The following UBAP1 variants were observed in gnomAD, a reference collection of about 807,000 sequenced individuals.
UBAP1 encodes the protein ubiquitin associated protein 1.
In UBAP1, 5 loss-of-function variants were observed where a neutral mutation model predicts 39.0. That is an observed-to-expected ratio of 0.13 (90% CI 0.07 to 0.27). The LOEUF (loss-of-function observed/expected upper bound fraction) is 0.27, where lower values mean the gene tolerates loss of function less well. UBAP1 is among the 10% of genes least tolerant of loss of function. The probability of loss-of-function intolerance (pLI) is 1.00; values close to 1 mark genes in which losing one functional copy is unlikely to be tolerated. For missense variants in UBAP1, 490 were observed against 608.1 expected (o/e 0.81, Z 2.04); for synonymous variants, 211 against 225.1 (o/e 0.94, Z 0.56).
chr9:34,182,676 T>TC (rs766637895), intron 1 of UBAP1, among the ~76,000 whole-genome samples: 3,695 of 90,210 alleles, frequency 0.041, 103 homozygotes, highest in East Asian at 0.096. Flanking sequence ...TCTTTCTTTC[T>TC]TTCTTTCTCT....
rs1040860143 is a variant in UBAP1, at chr9:34,226,003, G to A, written c.34+5055G>A. ...AGCTGTACATATTTACATGTTTAATGTATACATCTTGATGAGTTTGAGGAT... is the reference window on the plus strand; with the variant it reads ...AGCTGTACATATTTACATGTTTAATATATACATCTTGATGAGTTTGAGGAT... On this transcript the variant is annotated intron_variant, in intron 2 of 6. Coordinates refer to ENST00000297661, the MANE Select transcript of UBAP1 (RefSeq NM_016525.5). Among the ~76,000 whole-genome samples, 8 of 151,848 alleles carry A rather than the reference G, an allele frequency of 5.3e-5. No individual in the cohort carries two copies. In the East Asian group the frequency reaches 1.4e-3, roughly 26 times the overall value.
At chr9:34,202,983 C>T (rs1489282443) in intron 1 of UBAP1, among the ~76,000 whole-genome samples, 1 of 151,994 alleles carries the variant, frequency 6.6e-6, no homozygotes, top group Non-Finnish European at 1.5e-5. Flanking sequence ...TTAGTGATTG[C>T]TTGAGATGTA....
chr9:34,207,916 C>T (rs537734746), intron 1 of UBAP1, among the ~76,000 whole-genome samples: 134 of 152,218 alleles, frequency 8.8e-4, no homozygotes, highest in African/African-American at 3.0e-3. Context: ...TTATTTCTCC[C>T]ATCTAATATG....
intron 4 of UBAP1, among the ~76,000 whole-genome samples, chr9:34,242,333 A>G (rs559229766): frequency 3.3e-5 from 5 of 152,226 alleles, no homozygotes; most frequent in Admixed American, 3.3e-4. Context: ...TTTTTTGTAG[A>G]GATGCGGTTT....
intron 1 of UBAP1, among the ~76,000 whole-genome samples, chr9:34,192,766 C>T (rs1020302459): frequency 2.6e-5 from 4 of 151,956 alleles, no homozygotes; most frequent in African/African-American, 4.8e-5. Context: ...ATCACAAGTT[C>T]ATAATGATAT....
At chr9:34,210,832 C>CT (rs1179013450) in intron 1 of UBAP1, among the ~76,000 whole-genome samples, 7 of 150,494 alleles carry the variant, frequency 4.7e-5, no homozygotes, top group Non-Finnish European at 7.4e-5. Flanking sequence ...ATTCACCAAC[C>CT]TTTTTTTTTC....
rs1433756168 is a variant in UBAP1, at chr9:34,241,797, C to G, written c.772C>G (p.Pro258Ala). 1.9e-6 allele frequency: 3 copies of G among 1,614,110 alleles called. No individual in the cohort carries two copies. The highest frequency in any genetic ancestry group is 2.5e-6 in the Non-Finnish European group (3 of 1,180,018). ...LSSKVSLPPIPAVSNIKSLSF... is the reference protein window; with the variant it reads ...LSSKVSLPPIAAVSNIKSLSF... ...TTCCAAAGTGTCCCTCCCCCCTATA[C>G]CTGCAGTAAGCAATATCAAATCCCT... The change falls in exon 4 of 7, where the codon CCT becomes GCT. Residue 258 changes from proline to alanine, a missense_variant. Pro to Ala is a conservative substitution (Grantham distance 27). This residue lies in a region of UBAP1 where 339 missense variants were observed against 390.0 expected (regional missense o/e 0.87). Transcript: ENST00000297661.
intron 1 of UBAP1, among the ~76,000 whole-genome samples, chr9:34,212,429 A>ACACT (rs1456574565): frequency 7.0e-6 from 1 of 142,776 alleles, no homozygotes; most frequent in Non-Finnish European, 1.6e-5. Flanking sequence ...ACACACACTT[A>ACACT]TAGTTATTTT....
intron 4 of UBAP1, among the ~76,000 whole-genome samples, chr9:34,242,977 C>G (rs934368341): frequency 3.3e-5 from 5 of 152,166 alleles, no homozygotes; most frequent in African/African-American, 1.2e-4. Flanking sequence ...TTTACAAGTC[C>G]CAGTAATAGC....
At chr9:34,207,315 G>A (rs1434712962) in intron 1 of UBAP1, among the ~76,000 whole-genome samples, 1 of 150,432 alleles carries the variant, frequency 6.6e-6, no homozygotes, top group Non-Finnish European at 1.5e-5. Context: ...CAAAGTGCTG[G>A]GATTACAGGT....
intron 4 of UBAP1, among the ~76,000 whole-genome samples, chr9:34,248,375 G>A (rs1382609146): frequency 6.6e-6 from 1 of 152,176 alleles, no homozygotes; most frequent in Admixed American, 6.6e-5. Context: ...AGTATTCTGG[G>A]TGTATGCCTG....
chr9:34,242,834 A>AT (rs1256403676), intron 4 of UBAP1, among the ~76,000 whole-genome samples: 4 of 152,122 alleles, frequency 2.6e-5, no homozygotes, highest in Non-Finnish European at 5.9e-5. Context: ...CAGCTTACAG[A>AT]TTTTTTAATG....
At chr9:34,210,356 TCAGTCTTCA>T (rs1415772210) in intron 1 of UBAP1, among the ~76,000 whole-genome samples, 1 of 152,192 alleles carries the variant, frequency 6.6e-6, no homozygotes, top group Non-Finnish European at 1.5e-5. Flanking sequence ...CAAATTGAAT[TCAGTCTTCA>T]CAGTTACGTT....
Position 34,251,735 on chromosome 9 carries a change from A to G in UBAP1, c.*203A>G. ...AAGATTCGGGCATGTGAGTGCCCCC[A>G]GAACTGTCCTGGCTCCTTCCGTATT... On this transcript the variant is annotated 3_prime_UTR_variant, in exon 7 of 7. Transcript: ENST00000297661. 1 of 600,504 alleles carries G rather than the reference A, an allele frequency of 1.7e-6. No homozygotes were observed. The highest frequency in any genetic ancestry group is 2.9e-6 in the Non-Finnish European group (1 of 343,902). The allele number at this position is 600,504 out of a possible 1,614,324, so 37.2% of individuals were successfully genotyped here. A position where few individuals can be genotyped will look rare whatever the true frequency, so the allele number is the denominator to read the frequency against.
intron 5 of UBAP1, among the ~76,000 whole-genome samples, 176 bp downstream of exon 5, chr9:34,250,137 A>G (rs1834397544): frequency 6.6e-6 from 1 of 152,130 alleles, no homozygotes; most frequent in South Asian, 2.1e-4. Context: ...CTTCTTTTGG[A>G]AGCTATTCCG....
At chr9:34,230,311 G>T (rs1288560522) in intron 2 of UBAP1, among the ~76,000 whole-genome samples, 1 of 152,170 alleles carries the variant, frequency 6.6e-6, no homozygotes, top group Non-Finnish European at 1.5e-5. Context: ...TGATCCGCCT[G>T]CCTTGGCCTC....
chr9:34,184,359 C>T (rs1414158340), intron 1 of UBAP1, among the ~76,000 whole-genome samples: 1 of 150,528 alleles, frequency 6.6e-6, no homozygotes, highest in Admixed American at 6.6e-5. Context: ...GGGCCGGGCG[C>T]GGTGGCTCAG....
intron 3 of UBAP1, among the ~76,000 whole-genome samples, chr9:34,237,126 A>C (rs1833742690): frequency 6.6e-6 from 1 of 152,178 alleles, no homozygotes; most frequent in African/African-American, 2.4e-5. Context: ...AGTTATATAG[A>C]AATGTACTGA....
In UBAP1 at chr9:34,252,072, A is replaced by G. The variant is rs2131642017; in HGVS notation, c.*540A>G. On this transcript the variant is annotated 3_prime_UTR_variant, in exon 7 of 7. Coordinates refer to ENST00000297661, the MANE Select transcript of UBAP1 (RefSeq NM_016525.5). ...GTTCTGCAATATCTCTGAGGTGCAA[A>G]GAATGCACTTTTCCCTATGGGGCCC... 6.5e-6 allele frequency: 1 copy of G among 152,872 alleles called. No homozygotes were observed. The highest frequency in any genetic ancestry group is 2.1e-4 in the South Asian group (1 of 4,832). The allele number at this position is 152,872 out of a possible 1,614,324, so 9.5% of individuals were successfully genotyped here.
Sources: gnomAD v4.1 joint callset for allele counts (sites outside exome capture counted in the v4.1 genomes callset) on GRCh38, gnomAD v4.1.1 for gene constraint, gnomAD v4.1.1 regional missense constraint, MANE v1.5 for transcripts, NCBI Gene and HGNC (gene_info 2026-07-23, HGNC 2026-07-21) for gene names.